The following KIT variants were observed in gnomAD, a reference collection of about 807,000 sequenced individuals.
KIT encodes the protein KIT proto-oncogene, receptor tyrosine kinase, also known as mast/stem cell growth factor receptor Kit.
Under a neutral mutation model 105.7 loss-of-function variants are expected in KIT, and 16 were observed. That is an observed-to-expected ratio of 0.15 (90% confidence interval 0.10 to 0.23). The LOEUF (loss-of-function observed/expected upper bound fraction) is 0.23. KIT is among the 10% of genes least tolerant of loss of function. The probability of loss-of-function intolerance (pLI) is 1.00; values close to 1 mark genes in which losing one functional copy is unlikely to be tolerated. For synonymous variants in KIT, 438 were observed against 441.1 expected, an observed-to-expected ratio of 0.99 and a Z score of 0.09; for missense variants, 858 against 1,213.8, an observed-to-expected ratio of 0.71 and a Z score of 4.36.
At chr4:54,699,911 T>C (rs1327887168) in intron 4 of KIT, 145 bp downstream of exon 4, 1 of 785,266 alleles carries the variant, frequency 1.3e-6, no homozygotes, top group Non-Finnish European at 2.2e-6. Flanking sequence ...GATTGCATAT[T>C]TCCCCCTTTC....
intron 5 of KIT, among the ~76,000 whole-genome samples, chr4:54,704,344 A>G (rs1720648567): frequency 6.6e-6 from 1 of 152,186 alleles, no homozygotes; most frequent in South Asian, 2.1e-4. Context: ...TCCTTCTAGT[A>G]AGGACTGAAT....
intron 7 of KIT, among the ~76,000 whole-genome samples, chr4:54,715,030 G>A (rs1375203007): frequency 6.6e-6 from 1 of 152,126 alleles, no homozygotes; most frequent in African/African-American, 2.4e-5. Flanking sequence ...AACAATTTAA[G>A]GAAATGTTAA....
chr4:54,697,475 C>A (rs971585893), intron 2 of KIT, among the ~76,000 whole-genome samples: 1 of 152,108 alleles, frequency 6.6e-6, no homozygotes, highest in Non-Finnish European at 1.5e-5. Context: ...GTTTGTCTGG[C>A]TTCTATGAGG....
intron 1 of KIT, among the ~76,000 whole-genome samples, chr4:54,682,584 T>A (rs902016471): frequency 6.6e-6 from 1 of 151,824 alleles, no homozygotes; most frequent in African/African-American, 2.4e-5. Flanking sequence ...TGTCACCATA[T>A]CCGGCTAATT....
At chr4:54,674,125 C>G (rs1468907018) in intron 1 of KIT, among the ~76,000 whole-genome samples, 2 of 152,244 alleles carry the variant, frequency 1.3e-5, no homozygotes, top group Non-Finnish European at 1.5e-5. Flanking sequence ...TTTCCTATAT[C>G]CTAAGACTTT....
intron 1 of KIT, among the ~76,000 whole-genome samples, chr4:54,695,040 C>G (rs558256218): frequency 3.9e-5 from 6 of 152,298 alleles, no homozygotes; most frequent in African/African-American, 1.4e-4. Context: ...ACAGAAATAA[C>G]TGAATTCACA....
chr4:54,712,389 C>G (rs1450763799), intron 7 of KIT, among the ~76,000 whole-genome samples: 1 of 152,220 alleles, frequency 6.6e-6, no homozygotes, highest in Non-Finnish European at 1.5e-5. Flanking sequence ...GTGGGGCCCA[C>G]TCCACAGACC....
At chr4:54,697,231 A>G (rs1325358905) in intron 2 of KIT, among the ~76,000 whole-genome samples, 1 of 152,220 alleles carries the variant, frequency 6.6e-6, no homozygotes, top group Non-Finnish European at 1.5e-5. Context: ...TTTGCAGAAT[A>G]AATTAGTAAG....
At chr4:54,675,978 AT>A (rs1004799611) in intron 1 of KIT, among the ~76,000 whole-genome samples, 11 of 152,188 alleles carry the variant, frequency 7.2e-5, no homozygotes, top group Admixed American at 1.3e-4. Context: ...GATTCGAGAA[AT>A]CTGTGCCCGA....
intron 7 of KIT, among the ~76,000 whole-genome samples, chr4:54,718,120 A>T (rs1247445427): frequency 6.6e-6 from 1 of 152,162 alleles, no homozygotes; most frequent in Non-Finnish European, 1.5e-5. Context: ...TTTGCTTTTG[A>T]GACAGAGTCT....
chr4:54,667,760 T>C (rs1323322240), intron 1 of KIT, among the ~76,000 whole-genome samples: 1 of 152,258 alleles, frequency 6.6e-6, no homozygotes. Context: ...AAATGTAATC[T>C]GGCTAAGTAG....
At chr4:54,707,705 A>C (rs1448311250) in intron 6 of KIT, among the ~76,000 whole-genome samples, 2 of 152,236 alleles carry the variant, frequency 1.3e-5, no homozygotes, top group Non-Finnish European at 2.9e-5. Context: ...GTTCTTTTAC[A>C]CTAGACCTCT....
rs1578003278 is a variant in KIT, at chr4:54,733,200, C to T, written c.2484+8C>T. 4.3e-6 allele frequency: 7 copies of T among 1,611,434 alleles called. No individual in the cohort carries two copies. In the South Asian group the frequency reaches 7.7e-5, roughly 18 times the overall value. ...TATGTGGTTAAAGGAAACGTGAGTA[C>T]CCATTCTCTGCTTGACAGTCCTGCA... On this transcript the variant is annotated splice_region_variant and intron_variant, in intron 17 of 20. Coordinates refer to ENST00000288135, the MANE Select transcript of KIT (RefSeq NM_000222.3).
intron 1 of KIT, among the ~76,000 whole-genome samples, chr4:54,672,250 A>G (rs532229819): frequency 2.6e-5 from 4 of 151,626 alleles, no homozygotes; most frequent in African/African-American, 9.7e-5. Context: ...CACCTGTACC[A>G]TTTTGAATAT....
chr4:54,734,988 G>A (rs995173999), intron 17 of KIT, among the ~76,000 whole-genome samples: 1 of 152,036 alleles, frequency 6.6e-6, no homozygotes. Flanking sequence ...GTAATTGTGG[G>A]TTTTGCTATT....
rs532860896 is a variant in KIT, at chr4:54,695,847, T to G, written c.337+66T>G. On this transcript the variant is annotated intron_variant, in intron 2 of 20. Transcript: ENST00000288135. ...TTAATATCCTGCTCTTAATTTTGGA[T>G]GACATATGGATGACTGAGCCATAGA... The G allele has an allele frequency of 1.3e-4, 214 of 1,588,220 alleles. No homozygotes were observed. The African/African-American group carries it at 2.5e-3, about 19-fold the overall frequency.
intron 1 of KIT, among the ~76,000 whole-genome samples, chr4:54,692,027 A>G (rs924569862): frequency 6.6e-6 from 1 of 152,180 alleles, no homozygotes; most frequent in Non-Finnish European, 1.5e-5. Flanking sequence ...TGTGCCTAAC[A>G]TTTATTATGT....
intron 4 of KIT, among the ~76,000 whole-genome samples, chr4:54,700,234 T>C (rs547711206): frequency 2.6e-5 from 4 of 152,228 alleles, no homozygotes; most frequent in Non-Finnish European, 4.4e-5. Context: ...GCCTATCCAT[T>C]TGAAGATGGG....
At position 54,658,057 on chromosome 4, in the gene KIT, C is replaced by T. The variant is rs2109521134; in HGVS notation, c.43C>T (p.Leu15Phe). The change falls in exon 1 of 21, where the codon CTC becomes TTC. Residue 15 changes from leucine (L) to phenylalanine (F), a missense_variant. Around this residue, in one of 7 missense-constraint regions of KIT, gnomAD observed 46 missense variants for 38.8 expected, o/e 1.19. Coordinates refer to ENST00000288135, the MANE Select transcript of KIT (RefSeq NM_000222.3). ...CGCCTGGGATTTTCTCTGCGTTCTG[C>T]TCCTACTGCTTCGCGTCCAGACAGG... ...RGAWDFLCVL[L>F]LLLRVQTGSS... 6.2e-7 allele frequency: 1 copy of T among 1,613,878 alleles called. No homozygotes were observed. Among genetic ancestry groups the T allele is most frequent in the Non-Finnish European group, 8.5e-7 (1 of 1,179,892 alleles).
Sources: gnomAD v4.1 joint callset for allele counts (sites outside exome capture counted in the v4.1 genomes callset) on GRCh38, gnomAD v4.1.1 for gene constraint, gnomAD v4.1.1 regional missense constraint, MANE v1.5 for transcripts, NCBI Gene and HGNC (gene_info 2026-07-23, HGNC 2026-07-21) for gene names.